The following NOD1 variants were observed in gnomAD, a reference collection of about 807,000 sequenced individuals.
The protein encoded by NOD1 is nucleotide binding oligomerization domain containing 1.
A neutral mutation model predicts 81.2 loss-of-function variants in NOD1; 70 were observed. That is an observed-to-expected ratio of 0.86 (90% CI 0.71 to 1.05). The LOEUF is 1.05. Ranked by LOEUF, NOD1 falls within the 50% of genes least tolerant of loss-of-function variation. NOD1 has a pLI of 0.00. For missense variants in NOD1, 1,233 were observed against 1,228.0 expected, an observed-to-expected ratio of 1.00 and a Z score of -0.06; for synonymous variants, 508 against 526.9, an observed-to-expected ratio of 0.96 and a Z score of 0.49.
intron 1 of NOD1, chr7:30,469,168 T>C (rs17159124): frequency 0.18 from 174,456 of 985,316 alleles, 15,730 homozygotes; most frequent in Admixed American, 0.23. Context: ...GAACTTAACC[T>C]GGAAAACAAG....
intron 1 of NOD1, among the ~76,000 whole-genome samples, chr7:30,475,455 T>C (rs1156421503): frequency 6.6e-6 from 1 of 152,250 alleles, no homozygotes; most frequent in Non-Finnish European, 1.5e-5. Context: ...AAAGGACGCT[T>C]CAGTAAAACA....
chr7:30,474,876 G>A (rs902093735), intron 1 of NOD1, among the ~76,000 whole-genome samples: 6 of 152,132 alleles, frequency 3.9e-5, no homozygotes, highest in African/African-American at 9.7e-5. Context: ...TCATCAACAC[G>A]CCTGTTTTCA....
At chr7:30,431,394 G>C (rs776886407) in intron 12 of NOD1, among the ~76,000 whole-genome samples, 15 of 152,188 alleles carry the variant, frequency 9.9e-5, no homozygotes, top group Non-Finnish European at 1.9e-4. Context: ...CACACCTCCT[G>C]ATTTCAAAAT....
Position 30,452,646 on chromosome 7 carries a change from G to C in NOD1, c.771C>G (p.His257Gln), listed in dbSNP as rs893815240. Reference protein sequence around the residue: ...RLCLQDLLFKHYCYPERDPEE... With the variant: ...RLCLQDLLFKQYCYPERDPEE... ...CGGGGTCCCGCTCTGGGTAGCAGTA[G>C]TGCTTGAAGAGCAGGTCCTGCAGAC... The change falls in exon 6 of 14, where the codon CAC becomes CAG. Residue 257 changes from histidine (H) to glutamine (Q), a missense_variant. Coordinates refer to ENST00000222823, the MANE Select transcript of NOD1 (RefSeq NM_006092.4). The C allele has an allele frequency of 5.0e-6, 8 of 1,613,712 alleles. No homozygotes were observed. The African/African-American group carries it at 8.0e-5, about 16-fold the overall frequency.
intron 1 of NOD1, among the ~76,000 whole-genome samples, chr7:30,466,698 T>G (rs1301023667): frequency 1.3e-5 from 2 of 152,142 alleles, no homozygotes; most frequent in Admixed American, 6.5e-5. Context: ...AAACCTTCGT[T>G]GTCTGAGCCC....
chr7:30,473,036 C>T (rs1426124305), intron 1 of NOD1, among the ~76,000 whole-genome samples: 1 of 152,186 alleles, frequency 6.6e-6, no homozygotes, highest in Non-Finnish European at 1.5e-5. Flanking sequence ...CAGAAGGAAC[C>T]AAGAGCTATA....
chr7:30,452,251 G>C lies in NOD1; in HGVS notation c.1166C>G (p.Ser389Cys). 6.2e-7 allele frequency: 1 copy of C among 1,613,774 alleles called. No individual in the cohort carries two copies. Among genetic ancestry groups the C allele is most frequent in the Non-Finnish European group, 8.5e-7 (1 of 1,179,990 alleles). The change falls in exon 6 of 14, where the codon TCT becomes TGT. Residue 389 changes from serine (S) to cysteine (C), a missense_variant. Coordinates refer to ENST00000222823, the MANE Select transcript of NOD1 (RefSeq NM_006092.4). ...EANPNLCSLC[S>C]VPLFCWIIFR... ...GATGATCCAGCAGAAGAGGGGCACA[G>C]AGCACAGGCTGCAGAGGTTGGGGTT...
In NOD1 at chr7:30,473,713, C is replaced by T. The variant is rs903184222; in HGVS notation, c.-352+4893G>A. ...CTGTTTCCAGAAATATGGCCCTACA[C>T]AGAGCATAAGCACATCTGACTGTTA... On this transcript the variant is annotated intron_variant, in intron 1 of 13. Coordinates refer to ENST00000222823, the MANE Select transcript of NOD1 (RefSeq NM_006092.4). Among the ~76,000 whole-genome samples, 6 of 152,240 alleles carry T rather than the reference C, an allele frequency of 3.9e-5. No individual in the cohort carries two copies. The South Asian group carries it at 1.0e-3, about 26-fold the overall frequency.
intron 10 of NOD1, 67 bp from the exon 11 acceptor site, chr7:30,436,148 C>A: frequency 7.7e-7 from 1 of 1,293,988 alleles, no homozygotes; most frequent in South Asian, 1.2e-5. Flanking sequence ...GCTTCAACAT[C>A]AGAACAGCTG....
In NOD1 at chr7:30,451,149, A is replaced by G. The variant is rs1041279919; in HGVS notation, c.2201+67T>C. ...CTGGGGGATCCTGGTCCATGATGCC[A>G]TTCCCGATGCCCTCCGAGCCTGGCC... On this transcript the variant is annotated intron_variant, in intron 6 of 13. Transcript: ENST00000222823. This position sits in a 1 kb window ranked among gnomAD's most constrained non-coding sequence, Gnocchi z 4.2. 2.4e-5 allele frequency: 37 copies of G among 1,539,752 alleles called. No individual in the cohort carries two copies. Among genetic ancestry groups the G allele is most frequent in the Non-Finnish European group, 2.9e-5 (33 of 1,140,900 alleles).
chr7:30,429,975 G>A (rs553399608), intron 12 of NOD1, among the ~76,000 whole-genome samples: 1 of 152,282 alleles, frequency 6.6e-6, no homozygotes, highest in South Asian at 2.1e-4. Flanking sequence ...AGCCAAGATC[G>A]TGCCACTGCA....
rs781285340 is a variant in NOD1, at chr7:30,437,676, A to G, written c.2454-20T>C. On this transcript the variant is annotated intron_variant, in intron 9 of 13. Coordinates refer to ENST00000222823, the MANE Select transcript of NOD1 (RefSeq NM_006092.4). Reference sequence around the variant, plus strand: ...CACATCCTGAGGGAGGAGACAAGATAGTGAATGTTAGCTCCCCAAGAAACA... The same window carrying G: ...CACATCCTGAGGGAGGAGACAAGATGGTGAATGTTAGCTCCCCAAGAAACA... The G allele has an allele frequency of 3.4e-6, 5 of 1,488,016 alleles. No homozygotes were observed. Among genetic ancestry groups the G allele is most frequent in the Non-Finnish European group, 4.5e-6 (5 of 1,121,956 alleles). 92.2% of individuals were successfully genotyped at this position (1,488,016 alleles called of 1,614,324 possible).
intron 9 of NOD1, among the ~76,000 whole-genome samples, chr7:30,441,170 C>G: frequency 1.4e-5 from 1 of 70,332 alleles, no homozygotes; most frequent in African/African-American, 6.0e-5. Context: ...ATGTAAAGAC[C>G]ATCGAGACTA....
intron 6 of NOD1, 31 bp from the exon 7 acceptor site, chr7:30,448,412 C>A (rs1205682588): frequency 6.4e-7 from 1 of 1,550,408 alleles, no homozygotes; most frequent in South Asian, 1.1e-5. Context: ...AATTACGAGT[C>A]AGGGCAGGCA....
In NOD1 at chr7:30,456,709, T is replaced by C. The variant is rs761155687; in HGVS notation, c.201+12A>G. 5.6e-6 allele frequency: 9 copies of C among 1,612,682 alleles called. No homozygotes were observed. The highest frequency in any genetic ancestry group is 7.6e-6 in the Non-Finnish European group (9 of 1,179,434). On this transcript the variant is annotated intron_variant, in intron 4 of 13. Transcript: ENST00000222823. ...CCACACAATGCCATGCCCGTCCCTGTCCCCGGGGCACCTTGTCAGGCTGGG... is the reference window on the plus strand; with the variant it reads ...CCACACAATGCCATGCCCGTCCCTGCCCCCGGGGCACCTTGTCAGGCTGGG...
rs1173551971 is a variant in NOD1, at chr7:30,467,273, G to A, written c.-351-7232C>T. Among the ~76,000 whole-genome samples the A allele has an allele frequency of 6.6e-6, 1 of 152,076 alleles. No homozygotes were observed. Among genetic ancestry groups the A allele is most frequent in the East Asian group, 1.9e-4 (1 of 5,198 alleles). On this transcript the variant is annotated intron_variant, in intron 1 of 13. Coordinates refer to ENST00000222823, the MANE Select transcript of NOD1 (RefSeq NM_006092.4). This position sits in a 1 kb window ranked among gnomAD's most constrained non-coding sequence, Gnocchi z 4.5. ...GAAAACCACCTGTGAGAAGACACACGGTGTGAGAATGAAAATTACTTCTGG... is the reference window on the plus strand; with the variant it reads ...GAAAACCACCTGTGAGAAGACACACAGTGTGAGAATGAAAATTACTTCTGG...
rs2190504 is a variant in NOD1, at chr7:30,467,764, T to C, written c.-351-7723A>G. On this transcript the variant is annotated intron_variant, in intron 1 of 13. Coordinates refer to ENST00000222823, the MANE Select transcript of NOD1 (RefSeq NM_006092.4). The surrounding 1 kb of genome is among the most constrained non-coding windows in gnomAD (Gnocchi z 4.5). Reference sequence around the variant, plus strand: ...TCACCCAGGCTGGAGTGCGATGGCGTGATCTTGGCTCACTGCAACCTCCGC... The same window carrying C: ...TCACCCAGGCTGGAGTGCGATGGCGCGATCTTGGCTCACTGCAACCTCCGC... Among the ~76,000 whole-genome samples the C allele has an allele frequency of 0.54, 82,283 of 152,036 alleles. 23,616 individuals carry two copies. Among genetic ancestry groups the C allele is most frequent in the African/African-American group, 0.74 (30,630 of 41,442 alleles).
At position 30,448,326 on chromosome 7, in the gene NOD1, T is replaced by C. The variant is rs753174542; in HGVS notation, c.2257A>G (p.Thr753Ala). The part of the protein sequence containing the change: ...GGVKVLSEEL[T>A]KYKIVTYLGL... ...AAATAGGTCACAATTTTGTATTTGG[T>C]CAGCTCTTCGCTTAGCACCTTTACC... Residue 753 changes from threonine to alanine, a missense_variant, in exon 7 of 14, where the codon ACC (threonine) becomes GCC (alanine). Transcript: ENST00000222823. 8 of 1,614,080 alleles carry C rather than the reference T, an allele frequency of 5.0e-6. No individual in the cohort carries two copies. Among genetic ancestry groups the C allele is most frequent in the Non-Finnish European group, 5.9e-6 (7 of 1,180,022 alleles).
intron 3 of NOD1, among the ~76,000 whole-genome samples, chr7:30,458,740 CTTT>C (rs11430536): frequency 5.7e-5 from 8 of 139,716 alleles, no homozygotes; most frequent in East Asian, 2.1e-4. Flanking sequence ...CCAGCCTTTT[CTTT>C]TTTTTTTTTT....
Sources: gnomAD v4.1 joint callset for allele counts (sites outside exome capture counted in the v4.1 genomes callset) on GRCh38, gnomAD v4.1.1 for gene constraint, Gnocchi (gnomAD v3.1) non-coding constraint, MANE v1.5 for transcripts, NCBI Gene and HGNC (gene_info 2026-07-23, HGNC 2026-07-21) for gene names.